STRBP: variants seen among roughly 807,000 people sequenced by gnomAD.
STRBP encodes the protein spermatid perinuclear RNA binding protein.
STRBP carries 13 observed loss-of-function variants against 80.1 expected under a neutral mutation model. The ratio of observed to expected loss-of-function variants is 0.16; its 90% confidence interval spans 0.11 to 0.26. The LOEUF (loss-of-function observed/expected upper bound fraction) is 0.26. Among genes scored for constraint, STRBP ranks in the 10% least tolerant of loss-of-function variants. The pLI is 1.00. For missense variants in STRBP, 485 were observed against 815.2 expected (o/e 0.59, Z 4.93); for synonymous variants, 284 against 291.2 (o/e 0.98, Z 0.25).
chr9:123,111,846 CCAGG>C, intron 3 of STRBP: 1 of 241,786 alleles, frequency 4.1e-6, no homozygotes, highest in South Asian at 4.5e-5. Context: ...AGAGAGAAGA[CCAGG>C]CAGCAAAATC....
chr9:123,188,903 T>C (rs1046203601), intron 2 of STRBP, among the ~76,000 whole-genome samples: 8 of 152,094 alleles, frequency 5.3e-5, no homozygotes, highest in African/African-American at 1.9e-4. Context: ...TATGTAAAAA[T>C]AAACAGGCTT....
chr9:123,186,126 T>G (rs1250032456), intron 2 of STRBP, among the ~76,000 whole-genome samples: 1 of 151,598 alleles, frequency 6.6e-6, no homozygotes, highest in African/African-American at 2.4e-5. Context: ...GAGGATCACT[T>G]GAGCCTAGGA....
At chr9:123,238,356 G>A (rs538483775) in intron 1 of STRBP, among the ~76,000 whole-genome samples, 5 of 152,332 alleles carry the variant, frequency 3.3e-5, no homozygotes, top group African/African-American at 9.6e-5. Flanking sequence ...AAGGCTAGCA[G>A]AATGCTAACA....
At chr9:123,138,920 C>T (rs2036472591) in intron 14 of STRBP, among the ~76,000 whole-genome samples, 1 of 152,180 alleles carries the variant, frequency 6.6e-6, no homozygotes, top group Non-Finnish European at 1.5e-5. Context: ...ATGTTCTTTA[C>T]ATAGAATGCA....
intron 1 of STRBP, among the ~76,000 whole-genome samples, chr9:123,257,009 T>G (rs1291665604): frequency 6.6e-6 from 1 of 151,490 alleles, no homozygotes. Context: ...ATTGTCAAAC[T>G]CATAAAGATA....
At chr9:123,200,321 T>C (rs1046915009) in intron 2 of STRBP, among the ~76,000 whole-genome samples, 5 of 152,184 alleles carry the variant, frequency 3.3e-5, no homozygotes, top group Admixed American at 1.3e-4. Context: ...AGTTAGCTAA[T>C]ATTTTGTTGA....
Position 123,115,796 on chromosome 9 carries a change from A to T in STRBP, c.*84+133T>A, listed in dbSNP as rs1263791965. On this transcript the variant is annotated intron_variant and NMD_transcript_variant, in intron 3 of 3. Transcript: ENST00000471564. This position sits in a 1 kb window ranked among gnomAD's most constrained non-coding sequence, Gnocchi z 5.0. ...TTACAGGGAGCTCATGTCGCACCTC[A>T]GCTGCTCTCTCAAGGCTGCGTCTGT... 3 of 347,734 alleles carry T rather than the reference A, an allele frequency of 8.6e-6. No individual in the cohort carries two copies. The highest frequency in any genetic ancestry group is 6.4e-5 in the African/African-American group (3 of 46,626). 21.5% of individuals were successfully genotyped at this position (347,734 alleles called of 1,614,324 possible).
intron 1 of STRBP, among the ~76,000 whole-genome samples, chr9:123,257,844 T>C (rs1488846561): frequency 6.6e-6 from 1 of 151,692 alleles, no homozygotes; most frequent in Non-Finnish European, 1.5e-5. Flanking sequence ...TGTATATATA[T>C]ATAACTTATA....
chr9:123,137,714 A>T (rs1321072739), intron 14 of STRBP, among the ~76,000 whole-genome samples: 1 of 152,176 alleles, frequency 6.6e-6, no homozygotes, highest in East Asian at 1.9e-4. Flanking sequence ...AGCCCAAAAT[A>T]TTAAGTATTA....
chr9:123,211,035 C>G (rs1273175047), intron 2 of STRBP, among the ~76,000 whole-genome samples: 2 of 152,092 alleles, frequency 1.3e-5, no homozygotes, highest in East Asian at 3.9e-4. Flanking sequence ...GATTTTACTC[C>G]TAGGTATACA....
chr9:123,160,875 C>A, intron 7 of STRBP, 102 bp downstream of exon 7: 1 of 883,732 alleles, frequency 1.1e-6, no homozygotes, highest in East Asian at 2.8e-5. Context: ...CTAGAAAGCA[C>A]CCCTCATTTT....
At chr9:123,221,955 C>T (rs2040081155) in intron 2 of STRBP, among the ~76,000 whole-genome samples, 1 of 152,128 alleles carries the variant, frequency 6.6e-6, no homozygotes, top group Non-Finnish European at 1.5e-5. Flanking sequence ...CAGTCTTTCA[C>T]CTAATAGTTA....
chr9:123,257,392 G>A (rs754747314), intron 1 of STRBP, among the ~76,000 whole-genome samples: 40 of 151,542 alleles, frequency 2.6e-4, no homozygotes, highest in Non-Finnish European at 5.3e-4. Flanking sequence ...CTCTCTCTTA[G>A]GTACTTACCT....
intron 2 of STRBP, 113 bp from the exon 3 acceptor site, chr9:123,184,411 G>A: frequency 3.5e-6 from 1 of 282,208 alleles, no homozygotes; most frequent in Non-Finnish European, 6.6e-6. Context: ...CTCAATAGAG[G>A]AAAATTCCCT....
intron 3 of STRBP, among the ~76,000 whole-genome samples, chr9:123,182,202 G>A (rs2038498189): frequency 8.1e-6 from 1 of 122,810 alleles, no homozygotes; most frequent in African/African-American, 2.8e-5. Flanking sequence ...GCAACAGAGT[G>A]AGACTCCGTT....
chr9:123,219,730 G>C (rs917251945), intron 2 of STRBP, among the ~76,000 whole-genome samples: 16 of 152,178 alleles, frequency 1.1e-4, no homozygotes, highest in Admixed American at 1.0e-3. Context: ...TTTTCTAGCT[G>C]TGTGAAAGGG....
intron 1 of STRBP, among the ~76,000 whole-genome samples, chr9:123,240,761 G>C (rs1459823970): frequency 6.6e-6 from 1 of 152,048 alleles, no homozygotes; most frequent in African/African-American, 2.4e-5. Flanking sequence ...TCTTCTAAGT[G>C]GCCTCTCCCA....
At chr9:123,157,889 A>G in intron 11 of STRBP, 123 bp downstream of exon 11, 1 of 765,054 alleles carries the variant, frequency 1.3e-6, no homozygotes, top group South Asian at 1.8e-5. Flanking sequence ...TCAGGAAGAA[A>G]GCTTTTTATA....
intron 4 of STRBP, among the ~76,000 whole-genome samples, chr9:123,178,314 A>C (rs542394724): frequency 9.2e-5 from 14 of 152,316 alleles, no homozygotes; most frequent in Admixed American, 5.9e-4. Context: ...TCAAAGTTAG[A>C]CACTTATTCC....
Sources: gnomAD v4.1 joint callset for allele counts (sites outside exome capture counted in the v4.1 genomes callset) on GRCh38, gnomAD v4.1.1 for gene constraint, Gnocchi (gnomAD v3.1) non-coding constraint, MANE v1.5 for transcripts, NCBI Gene and HGNC (gene_info 2026-07-23, HGNC 2026-07-21) for gene names.